The following SPSB1 variants were observed in gnomAD, a reference collection of about 807,000 sequenced individuals.
SPSB1 encodes the protein SPRY domain-containing SOCS box protein 1.
Under a neutral mutation model 21.2 loss-of-function variants are expected in SPSB1, and 8 were observed. That is an observed-to-expected ratio of 0.38 (90% CI 0.22 to 0.68). The LOEUF (loss-of-function observed/expected upper bound fraction) is 0.68. SPSB1 is among the 30% of genes least tolerant of loss of function. SPSB1 has a pLI of 0.53. For synonymous variants in SPSB1, 169 were observed against 161.7 expected (o/e 1.05, Z -0.34); for missense variants, 242 against 377.8 (o/e 0.64, Z 2.98).
chr1:9,293,248 C>T lies in SPSB1; in HGVS notation c.-150+177C>T, dbSNP rs1353491628. 6.7e-6 allele frequency among the ~76,000 whole-genome samples: 1 copy of T among 148,776 alleles called. No homozygotes were observed. The highest frequency in any genetic ancestry group is 2.4e-5 in the African/African-American group (1 of 40,924). On this transcript the variant is annotated intron_variant, in intron 1 of 2. Transcript: ENST00000328089. This position sits in a 1 kb window ranked among gnomAD's most constrained non-coding sequence, Gnocchi z 5.1. ...TACGGGATGGGGACTCGGGGCGCGGCCCCTCCCGCGGTGGCTCCGGGGGCG... is the reference window on the plus strand; with the variant it reads ...TACGGGATGGGGACTCGGGGCGCGGTCCCTCCCGCGGTGGCTCCGGGGGCG...
At position 9,321,922 on chromosome 1, in the gene SPSB1, C is replaced by T. The variant is rs890801474; in HGVS notation, c.-150+28851C>T. Reference sequence around the variant, plus strand: ...GATTAATACCCGTAGGTGCCATTGACGAGTGATCCTGCTCTGGGCTCTCCA... The same window carrying T: ...GATTAATACCCGTAGGTGCCATTGATGAGTGATCCTGCTCTGGGCTCTCCA... On this transcript the variant is annotated intron_variant, in intron 1 of 2. Coordinates refer to ENST00000328089, the MANE Select transcript of SPSB1 (RefSeq NM_025106.4). The surrounding 1 kb of genome is among the most constrained non-coding windows in gnomAD (Gnocchi z 4.8). Among the ~76,000 whole-genome samples, 8 of 152,114 alleles carry T rather than the reference C, an allele frequency of 5.3e-5. No homozygotes were observed. Among genetic ancestry groups the T allele is most frequent in the African/African-American group, 1.9e-4 (8 of 41,414 alleles).
At chr1:9,313,117 C>T (rs543095699) in intron 1 of SPSB1, among the ~76,000 whole-genome samples, 98 of 152,340 alleles carry the variant, frequency 6.4e-4, no homozygotes, top group African/African-American at 2.2e-3. Context: ...AAAGTCAAGT[C>T]CGGGCGCGGT....
Position 9,300,497 on chromosome 1 carries a change from A to G in SPSB1, c.-150+7426A>G, listed in dbSNP as rs1419847428. 3.3e-5 allele frequency among the ~76,000 whole-genome samples: 5 copies of G among 152,250 alleles called. 1 individual carries two copies. The highest frequency in any genetic ancestry group is 3.3e-4 in the Admixed American group (5 of 15,284). Reference sequence around the variant, plus strand: ...GGCCCCTGTAGATGAATCGCAGTACAGGCCTTGGGATTTTGGAGCAAGGCC... The same window carrying G: ...GGCCCCTGTAGATGAATCGCAGTACGGGCCTTGGGATTTTGGAGCAAGGCC... On this transcript the variant is annotated intron_variant, in intron 1 of 2. Coordinates refer to ENST00000328089, the MANE Select transcript of SPSB1 (RefSeq NM_025106.4).
intron 1 of SPSB1, among the ~76,000 whole-genome samples, chr1:9,323,023 G>T (rs1162270713): frequency 6.6e-6 from 1 of 152,212 alleles, no homozygotes; most frequent in Admixed American, 6.5e-5. Context: ...CTTCCCCACG[G>T]TGACAGTGTC....
rs934930429 is a variant in SPSB1 at position 9,369,023 on chromosome 1, T to C, written c.*1448T>C. 1 of 152,594 alleles carries C rather than the reference T, an allele frequency of 6.6e-6. No individual in the cohort carries two copies. Among genetic ancestry groups the C allele is most frequent in the Admixed American group, 6.5e-5 (1 of 15,272 alleles). 9.5% of individuals were successfully genotyped at this position (152,594 alleles called of 1,614,324 possible). A position where few individuals can be genotyped will look rare whatever the true frequency, so the allele number is the denominator to read the frequency against. On this transcript the variant is annotated 3_prime_UTR_variant, in exon 3 of 3. Coordinates refer to ENST00000328089, the MANE Select transcript of SPSB1 (RefSeq NM_025106.4). ...CAGGTACAATAGATGACTTTATTTG[T>C]TTAAAATGTTTAATATATATACATA...
intron 1 of SPSB1, among the ~76,000 whole-genome samples, chr1:9,353,865 A>G (rs970735460): frequency 6.6e-6 from 1 of 151,556 alleles, no homozygotes; most frequent in East Asian, 1.9e-4. Flanking sequence ...TTGCAGTGAG[A>G]CGAGATAGCG....
chr1:9,356,302 C>A lies in SPSB1; in HGVS notation c.411C>A (p.His137Gln). 6.2e-7 allele frequency: 1 copy of A among 1,613,736 alleles called. No individual in the cohort carries two copies. Among genetic ancestry groups the A allele is most frequent in the Non-Finnish European group, 8.5e-7 (1 of 1,180,020 alleles). Residue 137 changes from histidine to glutamine, a missense_variant, in exon 2 of 3, where the codon CAC (histidine) becomes CAA (glutamine). His to Gln is a conservative substitution (Grantham distance 24). Coordinates refer to ENST00000328089, the MANE Select transcript of SPSB1 (RefSeq NM_025106.4). The surrounding 1 kb of genome is among the most constrained non-coding windows in gnomAD (Gnocchi z 7.4). The stretch of plus-strand genomic sequence containing the variant: ...ACACAACCCTCGTGGGGAATAACCA[C>A]GAGTCCTGGGGCTGGGACTTGGGGC... ...VGYTTLVGNN[H>Q]ESWGWDLGRN... is the part of the protein sequence containing the mutation.
At chr1:9,358,523 G>C (rs1479179473) in intron 2 of SPSB1, among the ~76,000 whole-genome samples, 1 of 152,228 alleles carries the variant, frequency 6.6e-6, no homozygotes, top group Non-Finnish European at 1.5e-5. Context: ...CTCAAACTGG[G>C]ATGGCTGCAG....
intron 2 of SPSB1, among the ~76,000 whole-genome samples, chr1:9,359,787 C>G (rs1640436699): frequency 7.4e-6 from 1 of 135,638 alleles, no homozygotes; most frequent in South Asian, 2.3e-4. Context: ...GAGGCCAGGC[C>G]AGGGACGAGC....
chr1:9,337,421 A>C lies in SPSB1; in HGVS notation c.-149-18322A>C, dbSNP rs537554989. On this transcript the variant is annotated intron_variant, in intron 1 of 2. Coordinates refer to ENST00000328089, the MANE Select transcript of SPSB1 (RefSeq NM_025106.4). ...CTCACACCTGGCCAGCCACCTGCCC[A>C]CCTAGCCAGTGAGATTGTTCACTCG... is the stretch of plus-strand genomic sequence containing the variant. Among the ~76,000 whole-genome samples, 1,379 of 151,798 alleles carry C rather than the reference A, an allele frequency of 9.1e-3. 16 individuals carry two copies. The highest frequency in any genetic ancestry group is 0.02 in the South Asian group (95 of 4,810).
chr1:9,355,682 G>T, intron 1 of SPSB1, 61 bp from the exon 2 acceptor site: 1 of 1,289,958 alleles, frequency 7.8e-7, no homozygotes. Context: ...TGCCCTCCGG[G>T]TTAACTTTCC....
At chr1:9,303,856 C>T (rs1457209756) in intron 1 of SPSB1, among the ~76,000 whole-genome samples, 1 of 152,202 alleles carries the variant, frequency 6.6e-6, no homozygotes, top group Non-Finnish European at 1.5e-5. Flanking sequence ...CTAAGGAATA[C>T]CTGGATAGAT....
At chr1:9,353,895 G>A (rs369922967) in intron 1 of SPSB1, among the ~76,000 whole-genome samples, 195 of 147,618 alleles carry the variant, frequency 1.3e-3, no homozygotes, top group African/African-American at 4.7e-3. Flanking sequence ...TCCAGCCTGG[G>A]CAACAAGAGC....
rs1639396418 is a variant in SPSB1, at chr1:9,305,529, G to C, written c.-150+12458G>C. ...TCGGATGAAGGAGTAGGTAAGACCG[G>C]TGGCGTAGTGGATCCTAGCAGGGTC... On this transcript the variant is annotated intron_variant, in intron 1 of 2. Transcript: ENST00000328089. This position sits in a 1 kb window ranked among gnomAD's most constrained non-coding sequence, Gnocchi z 4.8. Among the ~76,000 whole-genome samples the C allele has an allele frequency of 6.6e-6, 1 of 152,200 alleles. No individual in the cohort carries two copies. Among genetic ancestry groups the C allele is most frequent in the Non-Finnish European group, 1.5e-5 (1 of 68,040 alleles).
intron 1 of SPSB1, among the ~76,000 whole-genome samples, chr1:9,301,259 G>A (rs1444164309): frequency 6.6e-6 from 1 of 152,206 alleles, no homozygotes; most frequent in African/African-American, 2.4e-5. Flanking sequence ...GGAGGCCAAG[G>A]TGGGAGGATT....
At chr1:9,319,954 C>T (rs1639688529) in intron 1 of SPSB1, among the ~76,000 whole-genome samples, 1 of 152,160 alleles carries the variant, frequency 6.6e-6, no homozygotes, top group African/African-American at 2.4e-5. Flanking sequence ...GAGCTGGCCA[C>T]CTGCAGGCCT....
At chr1:9,361,854 G>A (rs1031981917) in intron 2 of SPSB1, among the ~76,000 whole-genome samples, 2 of 152,194 alleles carry the variant, frequency 1.3e-5, no homozygotes, top group Non-Finnish European at 2.9e-5. Flanking sequence ...TGGAGATGTG[G>A]AAAGGCCTGT....
At chr1:9,365,644 A>G (rs1640558066) in intron 2 of SPSB1, among the ~76,000 whole-genome samples, 1 of 152,176 alleles carries the variant, frequency 6.6e-6, no homozygotes, top group Non-Finnish European at 1.5e-5. Context: ...GCCTCTCTCC[A>G]TTCTGCCATG....
Position 9,339,204 on chromosome 1 carries a change from G to A in SPSB1, c.-149-16539G>A, listed in dbSNP as rs983797359. On this transcript the variant is annotated intron_variant, in intron 1 of 2. Transcript: ENST00000328089. ...CCCCCCAGCGGTGAGGACCTGTGGG[G>A]CTTTTCTCCTGGGTCTTTTCCCAGG... 12 of 985,294 alleles carry A rather than the reference G, an allele frequency of 1.2e-5. No homozygotes were observed. The Admixed American group carries it at 1.8e-4, about 15-fold the overall frequency. 61.0% of individuals were successfully genotyped at this position (985,294 alleles called of 1,614,324 possible).
Sources: allele counts gnomAD v4.1 joint callset (sites outside exome capture counted in the v4.1 genomes callset), GRCh38; gene constraint gnomAD v4.1.1; non-coding constraint Gnocchi (gnomAD v3.1); transcripts MANE v1.5; gene names NCBI Gene and HGNC (gene_info 2026-07-23, HGNC 2026-07-21).